Variants in STAT3 observed in about 807,000 individuals in gnomAD.
The protein encoded by STAT3 is signal transducer and activator of transcription 3, also known as DNA-binding protein APRF.
STAT3 carries 7 observed loss-of-function variants against 114.3 expected under a neutral mutation model. The observed-to-expected ratio is 0.06, with a 90% CI of 0.03 to 0.11. The LOEUF (loss-of-function observed/expected upper bound fraction) is 0.11. Ranked by LOEUF, STAT3 falls within the 10% of genes least tolerant of loss-of-function variation. The pLI is 1.00. For synonymous variants in STAT3, 331 were observed against 354.5 expected (o/e 0.93, Z 0.74); for missense variants, 364 against 960.9 (o/e 0.38, Z 8.21).
chr17:42,346,398 C>T (rs1027094619), intron 3 of STAT3, among the ~76,000 whole-genome samples, 171 bp downstream of exon 3: 2 of 152,154 alleles, frequency 1.3e-5, no homozygotes, highest in Admixed American at 6.5e-5. Context: ...ATGATGCTCA[C>T]GGGTAAGTAT....
intron 10 of STAT3, among the ~76,000 whole-genome samples, chr17:42,332,600 T>C (rs949531791): frequency 1.3e-5 from 2 of 150,174 alleles, no homozygotes; most frequent in African/African-American, 4.9e-5. Flanking sequence ...CCCAGCACTT[T>C]TGGAGGCCGG....
intron 23 of STAT3, 158 bp downstream of exon 23, chr17:42,316,631 C>T: frequency 2.0e-6 from 3 of 1,527,842 alleles, no homozygotes; most frequent in Non-Finnish European, 2.6e-6. Context: ...AAGATTTATA[C>T]TCACACATGT....
At chr17:42,386,217 G>A (rs964333699) in intron 1 of STAT3, among the ~76,000 whole-genome samples, 2 of 149,540 alleles carry the variant, frequency 1.3e-5, no homozygotes, top group Non-Finnish European at 3.0e-5. Context: ...GGAGGCAGAG[G>A]TTGCAGTGAG....
intron 14 of STAT3, among the ~76,000 whole-genome samples, chr17:42,328,674 C>T (rs1026094506): frequency 1.3e-5 from 2 of 152,172 alleles, no homozygotes; most frequent in Non-Finnish European, 2.9e-5. Flanking sequence ...TCCCAAAGTA[C>T]GGGGTGTGAG....
intron 1 of STAT3, among the ~76,000 whole-genome samples, chr17:42,360,473 C>A (rs2083458374): frequency 6.6e-6 from 1 of 151,854 alleles, no homozygotes; most frequent in Non-Finnish European, 1.5e-5. Context: ...GGAAAAACCT[C>A]ATCTCTACTA....
intron 4 of STAT3, among the ~76,000 whole-genome samples, chr17:42,345,217 A>G (rs1020885634): frequency 6.6e-6 from 1 of 151,842 alleles, no homozygotes; most frequent in Non-Finnish European, 1.5e-5. Context: ...GTGAGCCAAG[A>G]TCGCGCCATT....
At chr17:42,325,119 A>G in intron 15 of STAT3, 58 bp from the exon 16 acceptor site, 1 of 1,522,854 alleles carries the variant, frequency 6.6e-7, no homozygotes. Context: ...AGCCTTGGAA[A>G]TCTCTTCACC....
rs370434509 is a variant in STAT3, at chr17:42,345,875, C to CT, written c.274-219dup. On this transcript the variant is annotated intron_variant, in intron 3 of 23. Transcript: ENST00000264657. ...TAACAGAAGGCACATTAGCCTGAGTCTTTTTTTTTTTTTTTTGAGACTGGC... is the reference window on the plus strand; with the variant it reads ...TAACAGAAGGCACATTAGCCTGAGTCTTTTTTTTTTTTTTTTTGAGACTGGC... Among the ~76,000 whole-genome samples the CT allele has an allele frequency of 0.11, 14,657 of 132,922 alleles. 2,822 individuals carry two copies. Among genetic ancestry groups the CT allele is most frequent in the African/African-American group, 0.38 (13,507 of 35,100 alleles). 87.2% of individuals were successfully genotyped at this position (132,922 alleles called of 152,430 possible). A position where few individuals can be genotyped will look rare whatever the true frequency, so the allele number is the denominator to read the frequency against.
intron 21 of STAT3, among the ~76,000 whole-genome samples, chr17:42,318,143 C>T (rs1007177940): frequency 7.3e-5 from 11 of 150,374 alleles, no homozygotes; most frequent in South Asian, 4.2e-4. Context: ...TTTTTTGAGA[C>T]GGAGTCTTGC....
intron 1 of STAT3, chr17:42,388,061 A>G: frequency 3.8e-6 from 2 of 524,890 alleles, no homozygotes; most frequent in Non-Finnish European, 5.8e-6. Context: ...GTTTCTCCGA[A>G]GAACGAAACT....
In STAT3 at chr17:42,323,619, C is replaced by G; in HGVS notation, c.1607G>C (p.Gly536Ala). The part of the protein sequence containing the change: ...TTLAEKLLGP[G>A]VNYSGCQITW... ...GATCTGACACCCTGAATAATTCACA[C>G]CAGGTCCTGAAGGAAAGAAAAAGAG... is the stretch of plus-strand genomic sequence containing the variant. Residue 536 changes from glycine (G) to alanine (A), a missense_variant, in exon 18 of 24, where the codon GGT (glycine) becomes GCT (alanine). Gly to Ala is a moderately conservative substitution (Grantham distance 60). Transcript: ENST00000264657. 1.9e-6 allele frequency: 3 copies of G among 1,594,364 alleles called. No individual in the cohort carries two copies.
chr17:42,325,159 C>A, intron 15 of STAT3, 98 bp from the exon 16 acceptor site: 1 of 1,218,070 alleles, frequency 8.2e-7, no homozygotes, highest in Non-Finnish European at 1.2e-6. Flanking sequence ...AATGAAAGGA[C>A]ATGCCATAAA....
intron 13 of STAT3, 34 bp from the exon 14 acceptor site, chr17:42,329,491 G>A (rs752281533): frequency 9.3e-6 from 15 of 1,614,040 alleles, no homozygotes; most frequent in Admixed American, 1.7e-5. Context: ...TGTCCTGTGA[G>A]GCTCTCCCTA....
chr17:42,342,502 C>A (rs1202960819), intron 4 of STAT3, among the ~76,000 whole-genome samples: 3 of 149,332 alleles, frequency 2.0e-5, no homozygotes, highest in East Asian at 2.0e-4. Flanking sequence ...AAAAAAAATT[C>A]TTCACTGGGT....
intron 5 of STAT3, 130 bp from the exon 6 acceptor site, chr17:42,338,942 C>A: frequency 1.2e-6 from 1 of 811,718 alleles, no homozygotes; most frequent in South Asian, 1.6e-5. Context: ...GACCTGCAGG[C>A]AGTATCCCCA....
chr17:42,331,515 G>C lies in STAT3; in HGVS notation c.1066C>G (p.Pro356Ala). ...TTKVRLLVKF[P>A]ELNYQLKIKV... Reference sequence around the variant, plus strand: ...ATTTTAAGCTGATAATTCAACTCAGGGAATTTGACCAGCAACCTATTTAAA... The same window carrying C: ...ATTTTAAGCTGATAATTCAACTCAGCGAATTTGACCAGCAACCTATTTAAA... Residue 356 changes from proline to alanine, a missense_variant, in exon 11 of 24, where the codon CCT becomes GCT. By Grantham distance (27) the Pro-to-Ala change is conservative. This residue lies in a region of STAT3 where 294 missense variants were observed against 745.1 expected (regional missense o/e 0.39). Coordinates refer to ENST00000264657, the MANE Select transcript of STAT3 (RefSeq NM_139276.3). 1 of 1,613,754 alleles carries C rather than the reference G, an allele frequency of 6.2e-7. No individual in the cohort carries two copies. Among genetic ancestry groups the C allele is most frequent in the Non-Finnish European group, 8.5e-7 (1 of 1,179,872 alleles).
At chr17:42,378,826 AAGAAAAGTCTAATGCTTTTAGATTCT>A (rs2084619076) in intron 1 of STAT3, among the ~76,000 whole-genome samples, 1 of 152,198 alleles carries the variant, frequency 6.6e-6, no homozygotes, top group African/African-American at 2.4e-5. Flanking sequence ...AGGGGAAAAC[AAGAAAAGTCTAATGCTTTTAGATTCT>A]GTCAGAAAAA....
rs569395714 is a variant in STAT3, at chr17:42,315,210, T to C, written c.*535A>G. The C allele has an allele frequency of 4.0e-6, 1 of 250,086 alleles. No individual in the cohort carries two copies. The highest frequency in any genetic ancestry group is 6.0e-5 in the East Asian group (1 of 16,590). 15.5% of individuals were successfully genotyped at this position (250,086 alleles called of 1,614,324 possible). On this transcript the variant is annotated 3_prime_UTR_variant, in exon 24 of 24. Coordinates refer to ENST00000264657, the MANE Select transcript of STAT3 (RefSeq NM_139276.3). ...TGCTGATACAGTGTTTTTTGCCCTT[T>C]AATTGTTATTATTTCTTAATTTAAA...
chr17:42,340,831 C>T (rs1276883720), intron 4 of STAT3, among the ~76,000 whole-genome samples: 4 of 152,236 alleles, frequency 2.6e-5, no homozygotes, highest in Admixed American at 2.6e-4. Context: ...TAAGCTGGTG[C>T]CTCCCTCCTC....
Sources: gnomAD v4.1 joint callset for allele counts (sites outside exome capture counted in the v4.1 genomes callset) on GRCh38, gnomAD v4.1.1 for gene constraint, gnomAD v4.1.1 regional missense constraint, MANE v1.5 for transcripts, NCBI Gene and HGNC (gene_info 2026-07-23, HGNC 2026-07-21) for gene names.